TTLL5: variants seen among roughly 807,000 people sequenced by gnomAD.
TTLL5 encodes the protein tubulin tyrosine ligase like 5.
A neutral mutation model predicts 168.4 loss-of-function variants in TTLL5; 132 were observed. The ratio of observed to expected loss-of-function variants is 0.78; its 90% CI spans 0.68 to 0.91. TTLL5 has a LOEUF of 0.91. Ranked by LOEUF, TTLL5 falls within the 40% of genes least tolerant of loss-of-function variation. The pLI is 0.00. For synonymous variants in TTLL5, 546 were observed against 558.6 expected (o/e 0.98, Z 0.32); for missense variants, 1,545 against 1,581.5 (o/e 0.98, Z 0.39).
chr14:75,842,914 T>C (rs1896335863), intron 28 of TTLL5, among the ~76,000 whole-genome samples: 1 of 152,152 alleles, frequency 6.6e-6, no homozygotes. Context: ...AAAGGTGGTG[T>C]CCACTTTGAA....
chr14:75,732,785 A>G (rs533945862), intron 13 of TTLL5, among the ~76,000 whole-genome samples: 1 of 152,314 alleles, frequency 6.6e-6, no homozygotes, highest in South Asian at 2.1e-4. Flanking sequence ...TCAAATCCAC[A>G]TACACTATAA....
intron 27 of TTLL5, among the ~76,000 whole-genome samples, chr14:75,797,588 T>C (rs1028094463): frequency 2.0e-5 from 3 of 152,084 alleles, no homozygotes; most frequent in Non-Finnish European, 4.4e-5. Flanking sequence ...GGTATGTCCA[T>C]TTTATGCCAA....
At chr14:75,766,922 G>T (rs902411288) in intron 20 of TTLL5, among the ~76,000 whole-genome samples, 29 of 152,140 alleles carry the variant, frequency 1.9e-4, no homozygotes, top group Admixed American at 2.0e-4. Context: ...GCAGCACTTT[G>T]GGAGGCCGAG....
chr14:75,853,045 C>T (rs1028902942), intron 28 of TTLL5, among the ~76,000 whole-genome samples: 2 of 152,168 alleles, frequency 1.3e-5, no homozygotes, highest in Non-Finnish European at 1.5e-5. Flanking sequence ...TACAGAGCCT[C>T]CACTGTGCAA....
chr14:75,828,092 G>A (rs757123104), intron 28 of TTLL5, among the ~76,000 whole-genome samples: 3 of 152,078 alleles, frequency 2.0e-5, no homozygotes, highest in Admixed American at 1.3e-4. Context: ...TCTCAATGAT[G>A]TGACTATAAT....
chr14:75,763,277 G>A (rs779728076), intron 18 of TTLL5, among the ~76,000 whole-genome samples: 1 of 151,858 alleles, frequency 6.6e-6, no homozygotes, highest in African/African-American at 2.4e-5. Flanking sequence ...GTGTGTGTGT[G>A]TGTGTGTGTA....
intron 31 of TTLL5, among the ~76,000 whole-genome samples, chr14:75,915,859 G>A (rs907876558): frequency 8.5e-5 from 13 of 152,186 alleles, no homozygotes; most frequent in African/African-American, 2.7e-4. Context: ...CGGACATGGT[G>A]GCTCCTGCCT....
intron 26 of TTLL5, among the ~76,000 whole-genome samples, chr14:75,787,858 T>G (rs1385700216): frequency 6.6e-6 from 1 of 152,180 alleles, no homozygotes. Flanking sequence ...GAAACCCCCA[T>G]GTATTTCAAA....
intron 23 of TTLL5, among the ~76,000 whole-genome samples, chr14:75,777,250 AAGTCACATG>A (rs1891768380): frequency 1.3e-5 from 2 of 152,162 alleles, no homozygotes; most frequent in Admixed American, 1.3e-4. Context: ...ACATCTCTTG[AAGTCACATG>A]AGAGCTCTTT....
chr14:75,730,568 C>A (rs1365677811), intron 12 of TTLL5, among the ~76,000 whole-genome samples: 3 of 152,102 alleles, frequency 2.0e-5, no homozygotes, highest in Admixed American at 1.3e-4. Flanking sequence ...ATATGAATGT[C>A]TGAGTTCATA....
At chr14:75,737,577 T>A (rs1274617093) in intron 15 of TTLL5, 1 of 1,535,768 alleles carries the variant, frequency 6.5e-7, no homozygotes, top group South Asian at 1.2e-5. Context: ...GTCCAGTATC[T>A]GCACAGTTTC....
intron 30 of TTLL5, among the ~76,000 whole-genome samples, chr14:75,883,805 G>A (rs984691730): frequency 6.6e-6 from 1 of 152,212 alleles, no homozygotes; most frequent in African/African-American, 2.4e-5. Flanking sequence ...GCATTGTAAT[G>A]ACTGCAGAAC....
intron 20 of TTLL5, among the ~76,000 whole-genome samples, chr14:75,769,051 T>C (rs991591780): frequency 6.6e-6 from 1 of 152,208 alleles, no homozygotes; most frequent in Non-Finnish European, 1.5e-5. Flanking sequence ...TTTCACTGAA[T>C]TGAAAATAGA....
chr14:75,924,710 G>A (rs1422834684), intron 31 of TTLL5, among the ~76,000 whole-genome samples: 2 of 151,938 alleles, frequency 1.3e-5, no homozygotes, highest in Non-Finnish European at 2.9e-5. Flanking sequence ...GCAACCATCC[G>A]ACCTCTCAAT....
Position 75,861,368 on chromosome 14 carries a change from G to T in TTLL5, c.3327-2299G>T, listed in dbSNP as rs150329452. On this transcript the variant is annotated intron_variant, in intron 28 of 31. Transcript: ENST00000298832. The stretch of plus-strand genomic sequence containing the variant: ...CGAAAAGACCAGGTTGTGAGGGAGG[G>T]CACAGGCAACAGAGGAGCATGGACT... Among the ~76,000 whole-genome samples, 663 of 152,276 alleles carry T rather than the reference G, an allele frequency of 4.4e-3. 5 individuals carry two copies. The highest frequency in any genetic ancestry group is 0.01 in the Middle Eastern group (3 of 294).
intron 31 of TTLL5, among the ~76,000 whole-genome samples, chr14:75,907,548 A>G (rs2140102763): frequency 6.6e-6 from 1 of 152,346 alleles, no homozygotes; most frequent in Middle Eastern, 3.4e-3. Flanking sequence ...CCAGGAGTGC[A>G]AAAGAGAGAG....
chr14:75,813,396 C>T (rs954331358), intron 27 of TTLL5, among the ~76,000 whole-genome samples: 5 of 151,844 alleles, frequency 3.3e-5, no homozygotes, highest in African/African-American at 4.8e-5. Context: ...CAACCTCCTG[C>T]GCTCAAGCAA....
intron 28 of TTLL5, among the ~76,000 whole-genome samples, chr14:75,840,814 T>G (rs1896188196): frequency 3.3e-5 from 5 of 152,192 alleles, no homozygotes; most frequent in Admixed American, 3.3e-4. Flanking sequence ...TTACCTTCTG[T>G]GTTAATTCAT....
At chr14:75,735,929 T>G (rs916537208) in intron 15 of TTLL5, among the ~76,000 whole-genome samples, 2 of 152,192 alleles carry the variant, frequency 1.3e-5, no homozygotes, top group African/African-American at 4.8e-5. Context: ...AATTTTCCAC[T>G]TTTGTTTCTT....
Sources: gnomAD v4.1 joint callset for allele counts (sites outside exome capture counted in the v4.1 genomes callset) on GRCh38, gnomAD v4.1.1 for gene constraint, MANE v1.5 for transcripts, NCBI Gene and HGNC (gene_info 2026-07-23, HGNC 2026-07-21) for gene names.